Variants in ETV5 observed in about 807,000 individuals in gnomAD.
The protein encoded by ETV5 is ETS translocation variant 5.
In ETV5, 10 loss-of-function variants were observed where a neutral mutation model predicts 70.0. The ratio of observed to expected loss-of-function variants is 0.14; its 90% CI spans 0.09 to 0.24. ETV5 has a LOEUF of 0.24. Among genes scored for constraint, ETV5 ranks in the 10% least tolerant of loss-of-function variants. The pLI is 1.00. For synonymous variants in ETV5, 216 were observed against 242.2 expected, an observed-to-expected ratio of 0.89 and a Z score of 1.01; for missense variants, 453 against 651.2, an observed-to-expected ratio of 0.70 and a Z score of 3.31.
rs184829948 is a variant in ETV5, at chr3:186,067,380, T to C, written c.651-1308A>G. On this transcript the variant is annotated intron_variant, in intron 7 of 12. Coordinates refer to ENST00000306376, the MANE Select transcript of ETV5 (RefSeq NM_004454.3). ...CTGGGAGGCGGAGTTTGCTGTAAGC[T>C]GAGATAGCGCCACTGCACACCAGCC... Among the ~76,000 whole-genome samples the C allele has an allele frequency of 3.1e-3, 476 of 152,316 alleles. 4 individuals are homozygous for C. The highest frequency in any genetic ancestry group is 0.011 in the African/African-American group (448 of 41,582).
chr3:186,063,798 C>G (rs1046601697), intron 9 of ETV5, among the ~76,000 whole-genome samples: 3 of 152,156 alleles, frequency 2.0e-5, no homozygotes, highest in Admixed American at 6.5e-5. Flanking sequence ...CCCACCAGCC[C>G]CCTCAAGGTT....
intron 5 of ETV5, among the ~76,000 whole-genome samples, chr3:186,091,035 C>T (rs528576517): frequency 3.9e-5 from 6 of 152,330 alleles, no homozygotes; most frequent in African/African-American, 1.4e-4. Context: ...TCAAGGCCCT[C>T]CATACGACTC....
intron 5 of ETV5, among the ~76,000 whole-genome samples, chr3:186,103,620 AACACACACACACAC>A (rs10534124): frequency 0.047 from 6,703 of 142,520 alleles, 293 homozygotes; most frequent in East Asian, 0.26. Context: ...TCATCTTGCA[AACACACACACACAC>A]ACACACACAC....
At chr3:186,078,222 A>G in intron 7 of ETV5, 1 of 1,046,188 alleles carries the variant, frequency 9.6e-7, no homozygotes, top group South Asian at 4.6e-5. Context: ...CCCCTTGGAT[A>G]AAAAACAAGG....
chr3:186,078,830 G>C (rs566097811), intron 7 of ETV5, among the ~76,000 whole-genome samples: 1 of 152,202 alleles, frequency 6.6e-6, no homozygotes, highest in African/African-American at 2.4e-5. Flanking sequence ...AGCAAAACGG[G>C]AAGGGGATCA....
At chr3:186,089,524 C>T (rs1172548148) in intron 5 of ETV5, among the ~76,000 whole-genome samples, 1 of 152,208 alleles carries the variant, frequency 6.6e-6, no homozygotes, top group Non-Finnish European at 1.5e-5. Flanking sequence ...CAATTATCTC[C>T]ATCTGTGTCA....
intron 5 of ETV5, among the ~76,000 whole-genome samples, chr3:186,087,698 AGTACAGGCCTGTGGACT>A (rs1311323469): frequency 2.6e-4 from 39 of 152,236 alleles, no homozygotes; most frequent in Admixed American, 2.4e-3. Context: ...ACTGCCCACA[AGTACAGGCCTGTGGACT>A]GTTCAAGGCG....
intron 5 of ETV5, among the ~76,000 whole-genome samples, chr3:186,104,382 G>C (rs1267348626): frequency 6.6e-6 from 1 of 152,116 alleles, no homozygotes; most frequent in East Asian, 1.9e-4. Context: ...CTAGTAATGA[G>C]CACTTAGTGG....
intron 5 of ETV5, among the ~76,000 whole-genome samples, chr3:186,103,512 T>C (rs899320944): frequency 2.6e-5 from 4 of 151,972 alleles, no homozygotes; most frequent in African/African-American, 9.7e-5. Flanking sequence ...GAAAGCCACC[T>C]CCCAAACAGA....
intron 8 of ETV5, 71 bp downstream of exon 8, chr3:186,065,742 G>A (rs868162906): frequency 6.3e-7 from 1 of 1,591,570 alleles, no homozygotes; most frequent in Non-Finnish European, 8.6e-7. Flanking sequence ...GGCCCTGCAT[G>A]TATAAGACAC....
intron 9 of ETV5, among the ~76,000 whole-genome samples, chr3:186,058,981 C>G (rs1195784985): frequency 6.7e-6 from 1 of 149,906 alleles, no homozygotes; most frequent in South Asian, 2.1e-4. Context: ...CTATTGTACT[C>G]CTGCCTGTGC....
In ETV5 at chr3:186,081,037, C is replaced by T; in HGVS notation, c.362+9G>A. On this transcript the variant is annotated intron_variant, in intron 6 of 12. Transcript: ENST00000306376. Reference sequence around the variant, plus strand: ...GGCAGCCTTTCTTCGACTCCTCTTGCCCACTCACCAATAGTTGTAGAGGCA... The same window carrying T: ...GGCAGCCTTTCTTCGACTCCTCTTGTCCACTCACCAATAGTTGTAGAGGCA... 1 of 1,603,888 alleles carries T rather than the reference C, an allele frequency of 6.2e-7. No homozygotes were observed. The highest frequency in any genetic ancestry group is 8.5e-7 in the Non-Finnish European group (1 of 1,174,400).
rs11418453 is a variant in ETV5, at chr3:186,072,371, C to CAAA, written c.651-6302_651-6300dup. Among the ~76,000 whole-genome samples the CAAA allele has an allele frequency of 2.3e-3, 311 of 136,518 alleles. 2 individuals are homozygous for CAAA. The highest frequency in any genetic ancestry group is 7.8e-3 in the African/African-American group (295 of 37,756). The allele number at this position is 136,518 out of a possible 152,430, so 89.6% of individuals were successfully genotyped here. A position where few individuals can be genotyped will look rare whatever the true frequency, so the allele number is the denominator to read the frequency against. Reference sequence around the variant, plus strand: ...TGGGTGACAGAGTGAGACTCTATCTCAAAAAAAAAAAGAAAAAAAAGATAT... The same window carrying CAAA: ...TGGGTGACAGAGTGAGACTCTATCTCAAAAAAAAAAAAAAGAAAAAAAAGATAT... On this transcript the variant is annotated intron_variant, in intron 7 of 12. Coordinates refer to ENST00000306376, the MANE Select transcript of ETV5 (RefSeq NM_004454.3).
chr3:186,055,857 T>C (rs1332252276), intron 11 of ETV5, among the ~76,000 whole-genome samples: 2 of 152,164 alleles, frequency 1.3e-5, no homozygotes, highest in Non-Finnish European at 2.9e-5. Flanking sequence ...GTTCAAATGC[T>C]TTCTAAGAGT....
rs533267015 is a variant in ETV5, at chr3:186,075,171, C to T, written c.650+4646G>A. ...ACTCAGAACTAAAAAAACCTACGCA[C>T]TCTAACCATTACAAGAACATCATTC... On this transcript the variant is annotated intron_variant, in intron 7 of 12. Transcript: ENST00000306376. Among the ~76,000 whole-genome samples the T allele has an allele frequency of 3.4e-4, 52 of 152,314 alleles. No homozygotes were observed. The South Asian group carries it at 0.011, about 31-fold the overall frequency.
chr3:186,063,144 C>G (rs1007205204), intron 9 of ETV5, among the ~76,000 whole-genome samples: 3 of 152,092 alleles, frequency 2.0e-5, no homozygotes, highest in Non-Finnish European at 4.4e-5. Context: ...GTGGCGGGCG[C>G]CTGTAGTCCC....
chr3:186,108,375 G>A, intron 1 of ETV5: 1 of 612,026 alleles, frequency 1.6e-6, no homozygotes. Context: ...CAGGGCGACT[G>A]GATGTCCACT....
chr3:186,108,517 A>G (rs996984706), intron 1 of ETV5: 1 of 1,285,522 alleles, frequency 7.8e-7, no homozygotes, highest in Admixed American at 2.3e-5. Context: ...ATTCCCCTCA[A>G]ACTGCTTCCC....
chr3:186,055,281 G>A (rs903206475), intron 11 of ETV5, among the ~76,000 whole-genome samples: 3 of 152,178 alleles, frequency 2.0e-5, no homozygotes, highest in African/African-American at 4.8e-5. Flanking sequence ...CCACATGACA[G>A]AACTACTTTC....
Sources: gnomAD v4.1 joint callset for allele counts (sites outside exome capture counted in the v4.1 genomes callset) on GRCh38, gnomAD v4.1.1 for gene constraint, MANE v1.5 for transcripts, NCBI Gene and HGNC (gene_info 2026-07-23, HGNC 2026-07-21) for gene names.